FAM222B: variants seen among roughly 807,000 people sequenced by gnomAD.
FAM222B encodes protein FAM222B.
A neutral mutation model predicts 38.0 loss-of-function variants in FAM222B; 12 were observed. The ratio of observed to expected loss-of-function variants is 0.32; its 90% CI spans 0.20 to 0.51. FAM222B has a LOEUF of 0.51. FAM222B is among the 20% of genes least tolerant of loss of function. FAM222B has a pLI of 0.97. For missense variants in FAM222B, 716 were observed against 754.2 expected, an observed-to-expected ratio of 0.95 and a Z score of 0.59; for synonymous variants, 329 against 317.2, an observed-to-expected ratio of 1.04 and a Z score of -0.40.
chr17:28,798,558 A>G (rs2037051704), intron 1 of FAM222B, among the ~76,000 whole-genome samples: 1 of 151,882 alleles, frequency 6.6e-6, no homozygotes, highest in African/African-American at 2.4e-5. Flanking sequence ...TAATTAGGTA[A>G]TTTTTTAAAA....
chr17:28,809,985 GTTTT>G (rs767791914), intron 1 of FAM222B, among the ~76,000 whole-genome samples: 87 of 150,718 alleles, frequency 5.8e-4, no homozygotes, highest in Non-Finnish European at 9.2e-4. Context: ...CCTCCAACTG[GTTTT>G]TTTTTGTTTT....
chr17:28,816,033 G>C (rs967705339), intron 1 of FAM222B, among the ~76,000 whole-genome samples: 4 of 150,218 alleles, frequency 2.7e-5, no homozygotes, highest in Non-Finnish European at 5.9e-5. Context: ...CTAGCACCTT[G>C]GGATGCTGAA....
intron 1 of FAM222B, among the ~76,000 whole-genome samples, chr17:28,781,860 G>T (rs939748676): frequency 6.6e-6 from 1 of 152,168 alleles, no homozygotes; most frequent in Non-Finnish European, 1.5e-5. Context: ...ATAATGGGCT[G>T]AAGAGGGGTG....
intron 1 of FAM222B, among the ~76,000 whole-genome samples, chr17:28,795,584 C>T (rs1014026903): frequency 1.3e-5 from 2 of 152,190 alleles, no homozygotes; most frequent in African/African-American, 2.4e-5. Flanking sequence ...TGTGCCACCA[C>T]ACCCAGCTAA....
At chr17:28,825,151 G>A (rs548614457) in intron 1 of FAM222B, among the ~76,000 whole-genome samples, 31 of 151,994 alleles carry the variant, frequency 2.0e-4, no homozygotes, top group East Asian at 7.8e-4. Flanking sequence ...CTCCAAAGGA[G>A]GCTGGGTGCA....
intron 1 of FAM222B, among the ~76,000 whole-genome samples, chr17:28,790,884 C>CAT (rs71135852): frequency 0.1 from 8,727 of 85,790 alleles, 2,843 homozygotes; most frequent in Middle Eastern, 0.13. Flanking sequence ...AATTGTTTCA[C>CAT]TTTTTTTTTT....
At chr17:28,852,913 A>G (rs2039192311) in intron 1 of FAM222B, among the ~76,000 whole-genome samples, 1 of 151,936 alleles carries the variant, frequency 6.6e-6, no homozygotes, top group African/African-American at 2.4e-5. Flanking sequence ...AAAAATTAGC[A>G]CTGGGCGAGG....
At chr17:28,842,095 G>C (rs1251402334) in intron 1 of FAM222B, among the ~76,000 whole-genome samples, 3 of 152,126 alleles carry the variant, frequency 2.0e-5, no homozygotes, top group Non-Finnish European at 4.4e-5. Context: ...GCTTGCAATA[G>C]CCCGTTTGAA....
At chr17:28,811,338 G>A (rs1472121368) in intron 1 of FAM222B, among the ~76,000 whole-genome samples, 1 of 152,128 alleles carries the variant, frequency 6.6e-6, no homozygotes, top group African/African-American at 2.4e-5. Context: ...TACTCAGGAG[G>A]CTAAGACAGG....
At chr17:28,780,472 GAACA>G (rs1447520025) in intron 1 of FAM222B, among the ~76,000 whole-genome samples, 5 of 149,676 alleles carry the variant, frequency 3.3e-5, no homozygotes, top group Non-Finnish European at 4.5e-5. Context: ...TATGTACTAA[GAACA>G]AACTATCCAA....
intron 1 of FAM222B, among the ~76,000 whole-genome samples, chr17:28,822,840 T>C (rs1412037957): frequency 1.4e-5 from 1 of 73,352 alleles, no homozygotes; most frequent in Non-Finnish European, 2.3e-5. Context: ...AAAATATATA[T>C]ATATATATAT....
intron 1 of FAM222B, among the ~76,000 whole-genome samples, chr17:28,798,780 G>A (rs2037066426): frequency 6.6e-6 from 1 of 151,192 alleles, no homozygotes; most frequent in Non-Finnish European, 1.5e-5. Context: ...ACTATGCCCG[G>A]CTAATTTTTT....
At chr17:28,797,312 A>C (rs1352219611) in intron 1 of FAM222B, among the ~76,000 whole-genome samples, 1 of 152,084 alleles carries the variant, frequency 6.6e-6, no homozygotes, top group African/African-American at 2.4e-5. Context: ...TGCGATTTTG[A>C]GGTGAGATGA....
chr17:28,832,901 T>G (rs2038713509), intron 1 of FAM222B, among the ~76,000 whole-genome samples: 1 of 149,654 alleles, frequency 6.7e-6, no homozygotes. Flanking sequence ...CTGGGCACAG[T>G]GGCTCACACC....
At chr17:28,843,026 G>A (rs1216856276), upstream of FAM222B, among the ~76,000 whole-genome samples, 1 of 152,144 alleles carries the variant, frequency 6.6e-6, no homozygotes, top group Non-Finnish European at 1.5e-5. Flanking sequence ...CTTGGATCGC[G>A]CTTCCCCAAG....
intron 1 of FAM222B, among the ~76,000 whole-genome samples, chr17:28,779,366 G>C (rs1401090916): frequency 2.6e-5 from 4 of 152,038 alleles, no homozygotes. Flanking sequence ...GGAATACAAG[G>C]GTGGTTCAAC....
Position 28,758,461 on chromosome 17 carries a change from C to T in FAM222B, c.1498G>A (p.Gly500Arg), listed in dbSNP as rs746688996. The change falls in exon 3 of 3, where the codon GGG becomes AGG. Residue 500 changes from glycine to arginine, a missense_variant. By Grantham distance (125) the Gly-to-Arg change is moderately radical. Coordinates refer to ENST00000581407, the MANE Select transcript of FAM222B (RefSeq NM_001077498.3). ...TTCTGGCTTGCCACTGGACCGCCCCCGGTCCCTGCTCGGTAGTGGGCCCCG... is the reference window on the plus strand; with the variant it reads ...TTCTGGCTTGCCACTGGACCGCCCCTGGTCCCTGCTCGGTAGTGGGCCCCG... ...APGAHYRAGT[G>R]GGPVASQNSL... 46 of 1,613,414 alleles carry T rather than the reference C, an allele frequency of 2.9e-5. No homozygotes were observed. Among genetic ancestry groups the T allele is most frequent in the South Asian group, 4.4e-5 (4 of 91,066 alleles).
rs537060514 is a variant in FAM222B, at chr17:28,826,145, C to T, written c.-41+16537G>A. On this transcript the variant is annotated intron_variant, in intron 1 of 2. Transcript: ENST00000581407. ...AGTGCAGTGGCACGATCTTGGCTCCCTGCAACCTCTGCCTGCCGGTTCAAG... is the reference window on the plus strand; with the variant it reads ...AGTGCAGTGGCACGATCTTGGCTCCTTGCAACCTCTGCCTGCCGGTTCAAG... Among the ~76,000 whole-genome samples the T allele has an allele frequency of 4.6e-5, 7 of 151,742 alleles. No homozygotes were observed. In the East Asian group the frequency reaches 1.2e-3, roughly 26 times the overall value.
intron 1 of FAM222B, among the ~76,000 whole-genome samples, chr17:28,774,305 G>A (rs958383108): frequency 1.3e-5 from 2 of 152,138 alleles, no homozygotes; most frequent in African/African-American, 4.8e-5. Context: ...CTTAACTGCT[G>A]AAGAGAATCA....
Sources: gnomAD v4.1 joint callset for allele counts (sites outside exome capture counted in the v4.1 genomes callset) on GRCh38, gnomAD v4.1.1 for gene constraint, MANE v1.5 for transcripts, NCBI Gene and HGNC (gene_info 2026-07-23, HGNC 2026-07-21) for gene names.